The following NEBL variants were observed in gnomAD, a reference collection of about 807,000 sequenced individuals.
NEBL encodes the protein LIM and SH3 protein 2.
NEBL carries 122 observed loss-of-function variants against 140.2 expected under a neutral mutation model. That is an observed-to-expected ratio of 0.87 (90% confidence interval 0.75 to 1.01). The LOEUF (loss-of-function observed/expected upper bound fraction) is 1.01. Ranked by LOEUF, NEBL falls within the 50% of genes least tolerant of loss-of-function variation. NEBL has a pLI of 0.00. For missense variants in NEBL, 1,365 were observed against 1,231.3 expected, an observed-to-expected ratio of 1.11 and a Z score of -1.62; for synonymous variants, 436 against 398.9, an observed-to-expected ratio of 1.09 and a Z score of -1.11.
intron 26 of NEBL, among the ~76,000 whole-genome samples, chr10:20,791,068 T>C (rs1316479065): frequency 1.3e-5 from 2 of 152,206 alleles, no homozygotes; most frequent in Non-Finnish European, 2.9e-5. Flanking sequence ...GTCAACAAGA[T>C]TAAAGCCACA....
chr10:20,882,188 G>GAAAGAAGGAAAGAAAGAAGGAAAA (rs1179494233), intron 4 of NEBL, among the ~76,000 whole-genome samples: 9 of 145,584 alleles, frequency 6.2e-5, no homozygotes, highest in African/African-American at 1.8e-4. Flanking sequence ...AGGAAAGACA[G>GAAAGAAGGAAAGAAAGAAGGAAAA]AAAGAAGGAA....
At chr10:20,832,753 GTGGTAAACAAAAATCTCAGTCT>G (rs1840535705) in intron 14 of NEBL, among the ~76,000 whole-genome samples, 1 of 152,176 alleles carries the variant, frequency 6.6e-6, no homozygotes, top group Non-Finnish European at 1.5e-5. Flanking sequence ...ATTTAGGTAA[GTGGTAAACAAAAATCTCAGTCT>G]TGGAGTATTT....
chr10:21,058,658 G>A (rs1188957950), intron 2 of NEBL, among the ~76,000 whole-genome samples: 1 of 152,098 alleles, frequency 6.6e-6, no homozygotes, highest in Non-Finnish European at 1.5e-5. Context: ...TCAATCTCAA[G>A]CTAAACTTTC....
At chr10:20,923,020 T>A (rs1481499971) in intron 4 of NEBL, among the ~76,000 whole-genome samples, 1 of 152,208 alleles carries the variant, frequency 6.6e-6, no homozygotes, top group Non-Finnish European at 1.5e-5. Flanking sequence ...GTTAAATGAA[T>A]GCATTCACAG....
chr10:20,909,851 T>C (rs1017674744), intron 4 of NEBL, among the ~76,000 whole-genome samples: 2 of 152,090 alleles, frequency 1.3e-5, no homozygotes, highest in Admixed American at 1.3e-4. Context: ...AGGAACCTAG[T>C]ACAGCCCTGA....
At chr10:20,987,929 T>A (rs1419384635) in intron 3 of NEBL, among the ~76,000 whole-genome samples, 1 of 152,214 alleles carries the variant, frequency 6.6e-6, no homozygotes, top group Non-Finnish European at 1.5e-5. Context: ...ACATGAAACT[T>A]ATATTCCATG....
At chr10:20,991,535 C>G (rs1215861748) in intron 3 of NEBL, among the ~76,000 whole-genome samples, 1 of 152,040 alleles carries the variant, frequency 6.6e-6, no homozygotes, top group East Asian at 1.9e-4. Flanking sequence ...GCCTATAAAA[C>G]CAGAGGTTCT....
At chr10:20,897,885 T>C (rs1226944936), upstream of NEBL, among the ~76,000 whole-genome samples, 1 of 152,232 alleles carries the variant, frequency 6.6e-6, no homozygotes, top group Non-Finnish European at 1.5e-5. Context: ...CTGTTAGTAT[T>C]ATACTGGCGA....
At chr10:20,977,750 G>A (rs893638282) in intron 3 of NEBL, among the ~76,000 whole-genome samples, 1 of 152,212 alleles carries the variant, frequency 6.6e-6, no homozygotes, top group African/African-American at 2.4e-5. Flanking sequence ...TGTAACAAAA[G>A]CATCAGAATG....
intron 5 of NEBL, among the ~76,000 whole-genome samples, chr10:20,875,575 G>C (rs372499790): frequency 2.0e-5 from 3 of 152,178 alleles, no homozygotes; most frequent in African/African-American, 4.8e-5. Context: ...ACAGTGATTT[G>C]AGACTCTCTG....
At chr10:21,164,553 C>A (rs1274824677) in intron 2 of NEBL, among the ~76,000 whole-genome samples, 1 of 152,198 alleles carries the variant, frequency 6.6e-6, no homozygotes, top group African/African-American at 2.4e-5. Context: ...ATCTCAAAAT[C>A]TTTTCTAATC....
rs529760543 is a variant in NEBL at position 20,960,367 on chromosome 10, T to C, written c.357+1305A>G. ...ATAAAGAGGAAGAAAAATAAGGCAGTGATCTTCAGTATTCATGACTGATGG... is the reference window on the plus strand; with the variant it reads ...ATAAAGAGGAAGAAAAATAAGGCAGCGATCTTCAGTATTCATGACTGATGG... On this transcript the variant is annotated intron_variant, in intron 4 of 6. Coordinates refer to the NEBL transcript ENST00000417816. Among the ~76,000 whole-genome samples, 39 of 152,216 alleles carry C rather than the reference T, an allele frequency of 2.6e-4. 1 individual carries two copies. The highest frequency in any genetic ancestry group is 9.4e-4 in the African/African-American group (39 of 41,574).
intron 4 of NEBL, among the ~76,000 whole-genome samples, chr10:20,957,312 T>C (rs748750449): frequency 6.6e-6 from 1 of 152,180 alleles, no homozygotes; most frequent in Non-Finnish European, 1.5e-5. Context: ...AATTATGTAG[T>C]GTAGCAAAAG....
intron 25 of NEBL, 123 bp from the exon 26 acceptor site, chr10:20,808,782 T>C (rs1837859682): frequency 4.6e-6 from 5 of 1,076,616 alleles, no homozygotes; most frequent in Non-Finnish European, 7.0e-6. Context: ...TAACTCAAAA[T>C]CTCAGCGCTA....
chr10:21,012,765 A>G (rs1838393894), intron 3 of NEBL, among the ~76,000 whole-genome samples: 1 of 152,044 alleles, frequency 6.6e-6, no homozygotes, highest in African/African-American at 2.4e-5. Flanking sequence ...TGAACCACTT[A>G]CTCTTAACAA....
At chr10:21,188,942 T>C (rs1841525569) in intron 3 of NEBL, among the ~76,000 whole-genome samples, 1 of 152,168 alleles carries the variant, frequency 6.6e-6, no homozygotes, top group African/African-American at 2.4e-5. Flanking sequence ...TGAAAATTAC[T>C]ATTGTTTTAG....
Position 20,844,177 on chromosome 10 carries a change from G to A in NEBL, c.1227+1081C>T, listed in dbSNP as rs1047054959. ...ATTAAATTTCTAAAACCAGTTAAACGGTATGACCAGTTAGCATTTGCTTAT... is the reference window on the plus strand; with the variant it reads ...ATTAAATTTCTAAAACCAGTTAAACAGTATGACCAGTTAGCATTTGCTTAT... On this transcript the variant is annotated intron_variant, in intron 12 of 27. Coordinates refer to ENST00000377122, the MANE Select transcript of NEBL (RefSeq NM_006393.3). 8.5e-5 allele frequency among the ~76,000 whole-genome samples: 13 copies of A among 152,092 alleles called. No homozygotes were observed. The East Asian group carries it at 2.1e-3, about 25-fold the overall frequency.
chr10:21,023,170 T>C (rs996398073), intron 2 of NEBL, among the ~76,000 whole-genome samples: 3 of 152,220 alleles, frequency 2.0e-5, no homozygotes, highest in East Asian at 1.9e-4. Context: ...TTTTTCAAAA[T>C]GTATTCTGTG....
intron 3 of NEBL, among the ~76,000 whole-genome samples, chr10:21,187,738 T>C (rs960474755): frequency 2.0e-5 from 3 of 152,260 alleles, no homozygotes; most frequent in African/African-American, 7.2e-5. Flanking sequence ...AGTCTCAAAC[T>C]CCTGAGCTCA....
Sources: allele counts gnomAD v4.1 joint callset (sites outside exome capture counted in the v4.1 genomes callset), GRCh38; gene constraint gnomAD v4.1.1; transcripts MANE v1.5; gene names NCBI Gene and HGNC (gene_info 2026-07-23, HGNC 2026-07-21).